Variants in TAFA2 observed in about 807,000 individuals in gnomAD.
TAFA2 encodes the protein TAFA chemokine like family member 2, also known as chemokine-like protein TAFA-2.
Under a neutral mutation model 18.8 loss-of-function variants are expected in TAFA2, and 7 were observed. The observed-to-expected ratio is 0.37, with a 90% CI of 0.21 to 0.70. TAFA2 has a LOEUF of 0.70. Among genes scored for constraint, TAFA2 ranks in the 30% least tolerant of loss-of-function variants. The probability of loss-of-function intolerance (pLI) is 0.53; values close to 1 mark genes in which losing one functional copy is unlikely to be tolerated. For missense variants in TAFA2, 122 were observed against 158.1 expected (o/e 0.77, Z 1.23); for synonymous variants, 60 against 54.2 (o/e 1.11, Z -0.47).
chr12:61,950,580 A>G (rs574005912), intron 1 of TAFA2, among the ~76,000 whole-genome samples: 1 of 152,226 alleles, frequency 6.6e-6, no homozygotes, highest in East Asian at 1.9e-4. Flanking sequence ...ATGCCTATTC[A>G]GGTTCTTTGC....
intron 4 of TAFA2, among the ~76,000 whole-genome samples, chr12:61,751,312 AT>A (rs1049984291): frequency 6.6e-6 from 1 of 151,982 alleles, no homozygotes; most frequent in Non-Finnish European, 1.5e-5. Context: ...TAAATTGCAC[AT>A]TTTTGCCTTT....
At chr12:62,064,591 G>A (rs184765719) in intron 1 of TAFA2, among the ~76,000 whole-genome samples, 1 of 152,036 alleles carries the variant, frequency 6.6e-6, no homozygotes, top group Non-Finnish European at 1.5e-5. Flanking sequence ...ATACCACTTG[G>A]TGGATTCAAC....
chr12:62,025,975 C>A (rs904718711), intron 1 of TAFA2, among the ~76,000 whole-genome samples: 8 of 152,016 alleles, frequency 5.3e-5, no homozygotes. Context: ...TGGCAAACAA[C>A]CAACCCTGTT....
chr12:62,206,983 C>T (rs1245652), intron 1 of TAFA2: 54,291 of 152,044 alleles, frequency 0.36, 10,170 homozygotes, highest in South Asian at 0.45. Flanking sequence ...CATACTGCAT[C>T]TGTCAACAAC....
At chr12:61,743,087 T>C (rs946215358) in intron 4 of TAFA2, among the ~76,000 whole-genome samples, 9 of 152,016 alleles carry the variant, frequency 5.9e-5, no homozygotes, top group Non-Finnish European at 1.0e-4. Context: ...CAACCTGCCA[T>C]GATTCCCCTC....
intron 1 of TAFA2, chr12:62,198,220 A>G (rs545943345): frequency 6.6e-6 from 1 of 152,008 alleles, no homozygotes; most frequent in South Asian, 2.1e-4. Context: ...ACCTGTTATT[A>G]TATATTGGAG....
In TAFA2 at chr12:62,034,904, A is replaced by G. The variant is rs143372533; in HGVS notation, c.-2+156355T>C. Among the ~76,000 whole-genome samples, 98 of 152,342 alleles carry G rather than the reference A, an allele frequency of 6.4e-4. 1 individual carries two copies. Among genetic ancestry groups the G allele is most frequent in the African/African-American group, 2.1e-3 (88 of 41,580 alleles). ...CAATGTAAAAATACAGTAGAAATTGAAAGTTATATGTAATTGAGGTGAAAG... is the reference window on the plus strand; with the variant it reads ...CAATGTAAAAATACAGTAGAAATTGGAAGTTATATGTAATTGAGGTGAAAG... On this transcript the variant is annotated intron_variant, in intron 1 of 4. Transcript: ENST00000416284.
Position 62,012,189 on chromosome 12 carries a change from CATA to C in TAFA2, c.-1-144766_-1-144764del, listed in dbSNP as rs938195206. ...TGATAAGAAGAACTCCAAACCACCT[CATA>C]TACACTGGTGCATTGAGAAACATCA... On this transcript the variant is annotated intron_variant, in intron 1 of 4. Coordinates refer to ENST00000416284, the MANE Select transcript of TAFA2 (RefSeq NM_178539.5). Among the ~76,000 whole-genome samples the C allele has an allele frequency of 9.2e-5, 14 of 152,232 alleles. No homozygotes were observed. In the East Asian group the frequency reaches 2.7e-3, roughly 29 times the overall value.
intron 4 of TAFA2, among the ~76,000 whole-genome samples, chr12:61,751,534 A>G (rs1451719691): frequency 6.6e-6 from 1 of 152,044 alleles, no homozygotes; most frequent in East Asian, 1.9e-4. Context: ...AATAGAGGGT[A>G]TCTTAAAAGA....
chr12:62,124,452 G>C (rs992510116), intron 1 of TAFA2, among the ~76,000 whole-genome samples: 9 of 151,992 alleles, frequency 5.9e-5, no homozygotes, highest in African/African-American at 1.7e-4. Flanking sequence ...GAATCACAAA[G>C]TGCATTCCAC....
intron 1 of TAFA2, among the ~76,000 whole-genome samples, chr12:61,953,243 A>C (rs138950252): frequency 9.9e-5 from 15 of 152,024 alleles, no homozygotes; most frequent in African/African-American, 3.6e-4. Flanking sequence ...AAACCCAAAA[A>C]CATAACTTTG....
intron 1 of TAFA2, among the ~76,000 whole-genome samples, chr12:62,009,173 A>G (rs1439952040): frequency 2.0e-5 from 3 of 152,218 alleles, no homozygotes; most frequent in African/African-American, 7.2e-5. Flanking sequence ...AGCATTTTGC[A>G]AAACACACTG....
At chr12:62,065,277 C>G (rs1882455146) in intron 1 of TAFA2, among the ~76,000 whole-genome samples, 1 of 152,018 alleles carries the variant, frequency 6.6e-6, no homozygotes, top group Non-Finnish European at 1.5e-5. Flanking sequence ...CAGGAAAAAA[C>G]CTGAGCACAG....
chr12:61,898,664 C>T lies in TAFA2; in HGVS notation c.-1-31238G>A, dbSNP rs138312504. Among the ~76,000 whole-genome samples the T allele has an allele frequency of 5.2e-3, 789 of 152,252 alleles. 10 individuals are homozygous for T. Among genetic ancestry groups the T allele is most frequent in the African/African-American group, 0.018 (737 of 41,568 alleles). On this transcript the variant is annotated intron_variant, in intron 1 of 4. Transcript: ENST00000416284. The stretch of plus-strand genomic sequence containing the variant: ...GCACAGAGCAGAGGGACCCTGGGCC[C>T]TGCCCATGAAGCCATTTTTTCCTCC...
intron 1 of TAFA2, among the ~76,000 whole-genome samples, chr12:62,150,481 A>G (rs982492981): frequency 6.6e-6 from 1 of 152,184 alleles, no homozygotes; most frequent in Non-Finnish European, 1.5e-5. Context: ...CCCCTCTTCC[A>G]ACCCATCCTA....
intron 1 of TAFA2, among the ~76,000 whole-genome samples, chr12:62,150,499 T>G (rs1034972271): frequency 3.3e-5 from 5 of 152,176 alleles, no homozygotes; most frequent in African/African-American, 4.8e-5. Context: ...CTACACACAA[T>G]CATCTGATTA....
Position 62,221,932 on chromosome 12 carries a change from A to G in TAFA2, c.-130+36831T>C, listed in dbSNP as rs548665149. 2.0e-5 allele frequency among the ~76,000 whole-genome samples: 3 copies of G among 152,346 alleles called. No homozygotes were observed. In the South Asian group the frequency reaches 6.2e-4, roughly 32 times the overall value. On this transcript the variant is annotated intron_variant, in intron 1 of 5. Transcript: ENST00000551619. ...GAATATATTTTTAACACGCAACTACAAAGTGCTAGTATTCAAACTCTTAGA... is the reference window on the plus strand; with the variant it reads ...GAATATATTTTTAACACGCAACTACGAAGTGCTAGTATTCAAACTCTTAGA...
chr12:61,867,922 A>T (rs745375228), intron 1 of TAFA2, among the ~76,000 whole-genome samples: 28 of 152,148 alleles, frequency 1.8e-4, no homozygotes, highest in Non-Finnish European at 3.2e-4. Flanking sequence ...TTTAAAAATC[A>T]CCTGGTTATA....
At chr12:61,792,796 G>T (rs924437347) in intron 2 of TAFA2, among the ~76,000 whole-genome samples, 2 of 150,606 alleles carry the variant, frequency 1.3e-5, no homozygotes, top group African/African-American at 4.9e-5. Context: ...ATAACTAGAA[G>T]GAAAGATAAA....
Sources: gnomAD v4.1 joint callset for allele counts (sites outside exome capture counted in the v4.1 genomes callset) on GRCh38, gnomAD v4.1.1 for gene constraint, MANE v1.5 for transcripts, NCBI Gene and HGNC (gene_info 2026-07-23, HGNC 2026-07-21) for gene names.